The following SPIN1 variants were observed in gnomAD, a reference collection of about 807,000 sequenced individuals.
SPIN1 encodes spindlin 1, also known as spindlin-1.
A neutral mutation model predicts 26.0 loss-of-function variants in SPIN1; 3 were observed. The observed-to-expected ratio is 0.12, with a 90% CI of 0.05 to 0.30. The LOEUF (loss-of-function observed/expected upper bound fraction) is 0.30. Among genes scored for constraint, SPIN1 ranks in the 10% least tolerant of loss-of-function variants. SPIN1 has a pLI of 1.00. For synonymous variants in SPIN1, 101 were observed against 116.5 expected (o/e 0.87, Z 0.86); for missense variants, 126 against 333.4 (o/e 0.38, Z 4.84).
At position 88,475,162 on chromosome 9, in the gene SPIN1, G is replaced by A; in HGVS notation, c.674G>A (p.Gly225Asp). ...CAAGTGGAATATGCCAAAGAAGATGGCTCGAAAAGGACTGGCATGGTCATT... is the reference window on the plus strand; with the variant it reads ...CAAGTGGAATATGCCAAAGAAGATGACTCGAAAAGGACTGGCATGGTCATT... The part of the protein sequence containing the change: ...GKQVEYAKED[G>D]SKRTGMVIHQ... The change falls in exon 6 of 6, where the codon GGC becomes GAC. Residue 225 changes from glycine (G) to aspartate (D), a missense_variant. By Grantham distance (94) the Gly-to-Asp change is moderately conservative (BLOSUM62 -1). Transcript: ENST00000375859. 1 of 1,612,740 alleles carries A rather than the reference G, an allele frequency of 6.2e-7. No homozygotes were observed. Among genetic ancestry groups the A allele is most frequent in the Non-Finnish European group, 8.5e-7 (1 of 1,179,884 alleles).
intron 3 of SPIN1, among the ~76,000 whole-genome samples, chr9:88,453,406 C>T (rs1828402086): frequency 6.6e-6 from 1 of 152,136 alleles, no homozygotes; most frequent in South Asian, 2.1e-4. Flanking sequence ...TTCTTTTGTT[C>T]CTCTTCATGC....
At chr9:88,458,302 CA>C (rs1207006236) in intron 3 of SPIN1, among the ~76,000 whole-genome samples, 1 of 151,938 alleles carries the variant, frequency 6.6e-6, no homozygotes, top group Non-Finnish European at 1.5e-5. Context: ...TTTACCACAG[CA>C]AAGGCTAACT....
At chr9:88,417,505 C>T (rs537284256) in intron 1 of SPIN1, among the ~76,000 whole-genome samples, 1 of 152,248 alleles carries the variant, frequency 6.6e-6, no homozygotes, top group East Asian at 1.9e-4. Context: ...GGAGTTCTCA[C>T]TCTGCCACCC....
intron 2 of SPIN1, among the ~76,000 whole-genome samples, chr9:88,427,846 G>A (rs968867199): frequency 2.0e-5 from 3 of 152,026 alleles, no homozygotes; most frequent in South Asian, 2.1e-4. Flanking sequence ...TGATCCTCCC[G>A]CGTCAGCCTC....
At chr9:88,397,522 T>G (rs540960120) in intron 1 of SPIN1, among the ~76,000 whole-genome samples, 1 of 152,262 alleles carries the variant, frequency 6.6e-6, no homozygotes, top group Non-Finnish European at 1.5e-5. Flanking sequence ...CAAGCATCAC[T>G]TTTAATGAAA....
chr9:88,414,411 C>G (rs969928595), intron 1 of SPIN1, among the ~76,000 whole-genome samples: 1 of 152,204 alleles, frequency 6.6e-6, no homozygotes, highest in Non-Finnish European at 1.5e-5. Context: ...TGCCCTGTCC[C>G]TCTCAGGACA....
chr9:88,441,414 TGCGC>T (rs1554695424), intron 2 of SPIN1, among the ~76,000 whole-genome samples: 56 of 141,270 alleles, frequency 4.0e-4, no homozygotes, highest in African/African-American at 1.5e-3. Flanking sequence ...TGTGTGTGTG[TGCGC>T]GCGCGCGCGC....
intron 1 of SPIN1, among the ~76,000 whole-genome samples, chr9:88,399,715 T>C (rs1411724744): frequency 6.6e-6 from 1 of 152,144 alleles, no homozygotes; most frequent in Non-Finnish European, 1.5e-5. Context: ...CTTCAGTTGC[T>C]GCACAAAAAT....
At chr9:88,448,074 C>G (rs1158936003) in intron 2 of SPIN1, among the ~76,000 whole-genome samples, 2 of 148,534 alleles carry the variant, frequency 1.3e-5, no homozygotes, top group Non-Finnish European at 3.0e-5. Context: ...GACAGTGTCT[C>G]ACTCTGTTGC....
chr9:88,400,125 C>G (rs947248178), intron 1 of SPIN1, among the ~76,000 whole-genome samples: 5 of 152,166 alleles, frequency 3.3e-5, no homozygotes, highest in African/African-American at 1.2e-4. Context: ...GGTAGTTGCC[C>G]AGCACGGTAC....
intron 5 of SPIN1, among the ~76,000 whole-genome samples, chr9:88,473,696 G>T (rs3010862): frequency 0.035 from 5,272 of 151,592 alleles, 200 homozygotes; most frequent in African/African-American, 0.095. Flanking sequence ...TTTAGAAACA[G>T]TGGTGATGCT....
At chr9:88,471,824 C>T (rs1239174016) in intron 5 of SPIN1, among the ~76,000 whole-genome samples, 5 of 151,840 alleles carry the variant, frequency 3.3e-5, no homozygotes, top group Non-Finnish European at 4.4e-5. Flanking sequence ...AAGTTTGAGT[C>T]CTGCTTTTTT....
At chr9:88,420,344 C>G (rs1298139789) in intron 1 of SPIN1, among the ~76,000 whole-genome samples, 1 of 152,212 alleles carries the variant, frequency 6.6e-6, no homozygotes, top group African/African-American at 2.4e-5. Context: ...CATTGCACTT[C>G]CAGCCTGAGC....
At chr9:88,421,365 C>G (rs112114487) in intron 1 of SPIN1, among the ~76,000 whole-genome samples, 1 of 151,932 alleles carries the variant, frequency 6.6e-6, no homozygotes, top group Non-Finnish European at 1.5e-5. Flanking sequence ...TGCAGTGGCT[C>G]GATCATGGCT....
At chr9:88,415,639 C>T (rs1458624948) in intron 1 of SPIN1, 1 of 152,188 alleles carries the variant, frequency 6.6e-6, no homozygotes, top group Non-Finnish European at 1.5e-5. Context: ...CCAGGCTGCT[C>T]TGGAACTCCT....
chr9:88,443,151 C>T (rs1381005523), intron 2 of SPIN1, among the ~76,000 whole-genome samples: 1 of 150,452 alleles, frequency 6.6e-6, no homozygotes, highest in African/African-American at 2.5e-5. Context: ...AAAACTCAGT[C>T]TTTGCTTTAC....
intron 3 of SPIN1, among the ~76,000 whole-genome samples, chr9:88,453,630 G>A (rs574073818): frequency 6.6e-5 from 10 of 152,076 alleles, no homozygotes; most frequent in East Asian, 1.9e-4. Context: ...GGGTTCAAGC[G>A]ATTCTTCCGC....
At chr9:88,467,412 A>G (rs1828691155) in intron 4 of SPIN1, among the ~76,000 whole-genome samples, 1 of 152,192 alleles carries the variant, frequency 6.6e-6, no homozygotes, top group South Asian at 2.1e-4. Flanking sequence ...ATCATGGTGA[A>G]TGTTATTAAG....
At chr9:88,396,454 T>G (rs531002338) in intron 1 of SPIN1, among the ~76,000 whole-genome samples, 1 of 151,286 alleles carries the variant, frequency 6.6e-6, no homozygotes, top group South Asian at 2.1e-4. Flanking sequence ...ATACAAAAAT[T>G]AGCCAGGTGT....
Sources: gnomAD v4.1 joint callset for allele counts (sites outside exome capture counted in the v4.1 genomes callset) on GRCh38, gnomAD v4.1.1 for gene constraint, MANE v1.5 for transcripts, NCBI Gene and HGNC (gene_info 2026-07-23, HGNC 2026-07-21) for gene names.